VTI1A: variants seen among roughly 807,000 people sequenced by gnomAD.
VTI1A encodes vesicle transport through interaction with t-SNAREs 1A, also known as vesicle transport through interaction with t-SNAREs homolog 1A.
VTI1A carries 22 observed loss-of-function variants against 34.9 expected under a neutral mutation model. That is an observed-to-expected ratio of 0.63 (90% CI 0.45 to 0.90). The LOEUF is 0.90. Ranked by LOEUF, VTI1A falls within the 40% of genes least tolerant of loss-of-function variation. The pLI, the probability that VTI1A is intolerant of heterozygous loss-of-function variation, is 0.00. For missense variants in VTI1A, 268 were observed against 275.6 expected (o/e 0.97, Z 0.20); for synonymous variants, 87 against 97.3 (o/e 0.89, Z 0.62).
chr10:112,693,874 C>T (rs1848692358), intron 7 of VTI1A, among the ~76,000 whole-genome samples: 1 of 152,200 alleles, frequency 6.6e-6, no homozygotes, highest in Non-Finnish European at 1.5e-5. Flanking sequence ...CTTTGTCCCA[C>T]TGTAGAACAA....
rs773391582 is a variant in VTI1A at position 112,668,904 on chromosome 10, T to C, written c.499-33T>C. 8 of 1,609,282 alleles carry C rather than the reference T, an allele frequency of 5.0e-6. No individual in the cohort carries two copies. The Admixed American group carries it at 5.0e-5, about 10-fold the overall frequency. ...GCACTTTAGAAATAATCTAATTGCATGAACTTCTGTTTTGTTTTGTTTCTT... is the reference window on the plus strand; with the variant it reads ...GCACTTTAGAAATAATCTAATTGCACGAACTTCTGTTTTGTTTTGTTTCTT... On this transcript the variant is annotated intron_variant, in intron 6 of 7. Transcript: ENST00000393077.
At chr10:112,730,431 T>C (rs1850208238) in intron 7 of VTI1A, among the ~76,000 whole-genome samples, 1 of 152,226 alleles carries the variant, frequency 6.6e-6, no homozygotes, top group African/African-American at 2.4e-5. Context: ...AATAAAGATC[T>C]ACCTTTACAT....
chr10:112,679,157 A>G (rs1252639824), intron 7 of VTI1A, among the ~76,000 whole-genome samples: 2 of 152,104 alleles, frequency 1.3e-5, no homozygotes, highest in Non-Finnish European at 2.9e-5. Flanking sequence ...ACAGACTCCT[A>G]TTTATACCAC....
At chr10:112,846,131 C>T in the VTI1A span, among the ~76,000 whole-genome samples, 1 of 152,184 alleles carries the variant, frequency 6.6e-6, no homozygotes, top group African/African-American at 2.4e-5. Flanking sequence ...AGAGTTTACT[C>T]CCAAAATAAG....
At chr10:112,796,755 A>C (rs974252734) in intron 7 of VTI1A, among the ~76,000 whole-genome samples, 1 of 152,222 alleles carries the variant, frequency 6.6e-6, no homozygotes, top group African/African-American at 2.4e-5. Flanking sequence ...CCTACAGCCA[A>C]GCGTCTCCTG....
chr10:112,457,104 C>CTT (rs1334008350), intron 1 of VTI1A, among the ~76,000 whole-genome samples: 9 of 152,164 alleles, frequency 5.9e-5, no homozygotes, highest in Admixed American at 1.3e-4. Context: ...AATGAACAGT[C>CTT]TGTCTGTAGA....
chr10:112,588,050 G>C (rs1844228022), intron 5 of VTI1A, among the ~76,000 whole-genome samples: 2 of 152,108 alleles, frequency 1.3e-5, no homozygotes, highest in African/African-American at 4.8e-5. Flanking sequence ...AGTGGATTAA[G>C]ATGGCAAAAT....
At chr10:112,593,469 GA>G (rs1844477157) in intron 5 of VTI1A, among the ~76,000 whole-genome samples, 2 of 152,206 alleles carry the variant, frequency 1.3e-5, no homozygotes, top group South Asian at 4.1e-4. Context: ...TAGTTCTGAC[GA>G]AAAGCCAGCT....
At chr10:112,704,197 C>T (rs1028383748) in intron 7 of VTI1A, among the ~76,000 whole-genome samples, 1 of 152,186 alleles carries the variant, frequency 6.6e-6, no homozygotes, top group Non-Finnish European at 1.5e-5. Flanking sequence ...TTCCTGGCTA[C>T]TTGACTGTCA....
intron 7 of VTI1A, among the ~76,000 whole-genome samples, chr10:112,706,937 C>T (rs1009612986): frequency 6.6e-5 from 10 of 152,066 alleles, no homozygotes; most frequent in Admixed American, 2.0e-4. Context: ...GCTTAAATCA[C>T]CTTCAGAGTA....
intron 7 of VTI1A, among the ~76,000 whole-genome samples, chr10:112,770,748 C>T (rs1055324478): frequency 6.6e-6 from 1 of 151,980 alleles, no homozygotes; most frequent in Non-Finnish European, 1.5e-5. Flanking sequence ...GTAGTTAAAT[C>T]TTATAACACC....
chr10:112,569,240 G>A (rs1852027050), intron 5 of VTI1A, among the ~76,000 whole-genome samples: 1 of 152,024 alleles, frequency 6.6e-6, no homozygotes, highest in Non-Finnish European at 1.5e-5. Flanking sequence ...AATTTGCTGA[G>A]AAGGCGGACA....
chr10:112,581,024 C>T (rs73367022), intron 5 of VTI1A, among the ~76,000 whole-genome samples: 3,053 of 152,260 alleles, frequency 0.02, 115 homozygotes, highest in African/African-American at 0.07. Flanking sequence ...TATAAGTTTG[C>T]ATTTCCCACA....
chr10:112,827,537 T>C, the VTI1A span: 2 of 152,208 alleles, frequency 1.3e-5, no homozygotes, highest in East Asian at 1.9e-4. Flanking sequence ...ACATTTTTTT[T>C]CTAATATTCA....
At chr10:112,504,991 A>AT (rs1304411965) in intron 3 of VTI1A, among the ~76,000 whole-genome samples, 5 of 151,406 alleles carry the variant, frequency 3.3e-5, no homozygotes, top group South Asian at 2.1e-4. Context: ...AAGTTCTATT[A>AT]TTTTTTTTAA....
Position 112,657,821 on chromosome 10 carries a change from T to TGTGTG in VTI1A, c.428-10397_428-10396insGTGTG, listed in dbSNP as rs35203233. ...CACTATATTGTGTGTGTGTGTGTGT[T>TGTGTG]TGTGTGTGTATATATATGCCTTAAA... On this transcript the variant is annotated intron_variant, in intron 5 of 7. Coordinates refer to ENST00000393077, the MANE Select transcript of VTI1A (RefSeq NM_145206.4). 3.8e-3 allele frequency among the ~76,000 whole-genome samples: 515 copies of TGTGTG among 136,338 alleles called. 4 individuals carry two copies. The highest frequency in any genetic ancestry group is 4.7e-3 in the Admixed American group (69 of 14,558). The allele number at this position is 136,338 out of a possible 152,430, so 89.4% of individuals were successfully genotyped here. A position where few individuals can be genotyped will look rare whatever the true frequency, so the allele number is the denominator to read the frequency against.
At chr10:112,519,998 A>G (rs1849956191) in intron 3 of VTI1A, among the ~76,000 whole-genome samples, 2 of 152,126 alleles carry the variant, frequency 1.3e-5, no homozygotes, top group South Asian at 2.1e-4. Flanking sequence ...TTATTTTAAA[A>G]TACAAATGAA....
At chr10:112,579,463 A>G (rs1360563955) in intron 5 of VTI1A, among the ~76,000 whole-genome samples, 1 of 152,172 alleles carries the variant, frequency 6.6e-6, no homozygotes, top group Non-Finnish European at 1.5e-5. Flanking sequence ...GCACTTTAGG[A>G]GGCCGAGGTG....
intron 4 of VTI1A, among the ~76,000 whole-genome samples, chr10:112,529,257 C>G (rs769344731): frequency 6.6e-6 from 1 of 152,048 alleles, no homozygotes; most frequent in Non-Finnish European, 1.5e-5. Flanking sequence ...CCACACTGAA[C>G]GTTTTGGATA....
Sources: allele counts gnomAD v4.1 joint callset (sites outside exome capture counted in the v4.1 genomes callset), GRCh38; gene constraint gnomAD v4.1.1; transcripts MANE v1.5; gene names NCBI Gene and HGNC (gene_info 2026-07-23, HGNC 2026-07-21).